ARHGEF26: variants seen among roughly 807,000 people sequenced by gnomAD.
ARHGEF26 encodes Rho guanine nucleotide exchange factor (GEF) 26.
In ARHGEF26, 59 loss-of-function variants were observed where a neutral mutation model predicts 89.4. The ratio of observed to expected loss-of-function variants is 0.66; its 90% CI spans 0.54 to 0.82. The LOEUF is 0.82. Ranked by LOEUF, ARHGEF26 falls within the 40% of genes least tolerant of loss-of-function variation. The probability of loss-of-function intolerance (pLI) is 0.00; values close to 1 mark genes in which losing one functional copy is unlikely to be tolerated. For missense variants in ARHGEF26, 1,234 were observed against 1,085.6 expected, an observed-to-expected ratio of 1.14 and a Z score of -1.92; for synonymous variants, 500 against 428.4, an observed-to-expected ratio of 1.17 and a Z score of -2.06.
In ARHGEF26 at chr3:154,186,134, T is replaced by TACAC. The variant is rs1446154271; in HGVS notation, c.1488-1550_1488-1549insCACA. ...ATGCTACCGTTTCTCTACACACACTTAGACACACACACACACACACACACA... is the reference window on the plus strand; with the variant it reads ...ATGCTACCGTTTCTCTACACACACTTACACAGACACACACACACACACACACACA... On this transcript the variant is annotated intron_variant, in intron 6 of 14. Transcript: ENST00000465093. Among the ~76,000 whole-genome samples, 27 of 26,918 alleles carry TACAC rather than the reference T, an allele frequency of 1.0e-3. 1 individual carries two copies. The highest frequency in any genetic ancestry group is 3.5e-3 in the African/African-American group (23 of 6,496). The allele number at this position is 26,918 out of a possible 152,430, so 17.7% of individuals were successfully genotyped here.
intron 4 of ARHGEF26, among the ~76,000 whole-genome samples, chr3:154,147,500 G>A (rs2108087221): frequency 6.6e-6 from 1 of 152,250 alleles, no homozygotes; most frequent in South Asian, 2.1e-4. Flanking sequence ...TTTAGAAACT[G>A]GTATATTATA....
chr3:154,241,087 C>T (rs187357), intron 12 of ARHGEF26, among the ~76,000 whole-genome samples: 1 of 152,104 alleles, frequency 6.6e-6, no homozygotes. Context: ...AGTTTATGCA[C>T]GACCAAAACA....
At chr3:154,132,570 C>A (rs1278786298) in intron 4 of ARHGEF26, among the ~76,000 whole-genome samples, 3 of 152,102 alleles carry the variant, frequency 2.0e-5, no homozygotes, top group African/African-American at 7.2e-5. Context: ...CGAGCGGAGG[C>A]TTCGTGCATC....
In ARHGEF26 at chr3:154,122,549, G is replaced by T. The variant is rs755539161; in HGVS notation, c.557G>T (p.Gly186Val). The part of the protein sequence containing the change: ...NGLAANNDSP[G>V]SGSQSGRKAK... The stretch of plus-strand genomic sequence containing the variant: ...CTTGCCGCTAATAACGACTCTCCTG[G>T]GTCAGGTTCGCAGTCCGGCCGGAAG... The change falls in exon 2 of 15, where the codon GGG (glycine) becomes GTG (valine). Residue 186 changes from glycine (G) to valine (V), a missense_variant. Gly to Val is a moderately radical substitution (Grantham distance 109). Coordinates refer to ENST00000465093, the MANE Select transcript of ARHGEF26 (RefSeq NM_015595.4). The T allele has an allele frequency of 6.2e-7, 1 of 1,613,564 alleles. No individual in the cohort carries two copies. Among genetic ancestry groups the T allele is most frequent in the South Asian group, 1.1e-5 (1 of 91,088 alleles).
intron 12 of ARHGEF26, among the ~76,000 whole-genome samples, chr3:154,242,367 A>G (rs1004334130): frequency 6.6e-6 from 1 of 152,190 alleles, no homozygotes; most frequent in Non-Finnish European, 1.5e-5. Context: ...GTTGATTCCA[A>G]CTCTCATGGA....
At position 154,249,224 on chromosome 3, in the gene ARHGEF26, T is replaced by A. The variant is rs16823820; in HGVS notation, c.2301-3892T>A. Among the ~76,000 whole-genome samples, 861 of 152,330 alleles carry A rather than the reference T, an allele frequency of 5.7e-3. 9 individuals are homozygous for A. Among genetic ancestry groups the A allele is most frequent in the African/African-American group, 0.02 (837 of 41,584 alleles). ...GCAGCCTCACCTGCAGCCCTGTCTC[T>A]GTGATTTCAAAGCCTACTTCCTACT... On this transcript the variant is annotated intron_variant, in intron 12 of 14. Transcript: ENST00000465093.
chr3:154,123,359 T>C (rs1288414488), intron 2 of ARHGEF26, among the ~76,000 whole-genome samples: 1 of 152,142 alleles, frequency 6.6e-6, no homozygotes, highest in East Asian at 1.9e-4. Context: ...GATTATTGGC[T>C]GAGTGAGTCT....
chr3:154,144,126 G>C (rs904115599), intron 4 of ARHGEF26, among the ~76,000 whole-genome samples: 8 of 152,142 alleles, frequency 5.3e-5, no homozygotes, highest in Admixed American at 1.3e-4. Flanking sequence ...TTGTTTCTGG[G>C]GCATTCAGGG....
chr3:154,150,779 A>G (rs1719974937), intron 5 of ARHGEF26, among the ~76,000 whole-genome samples: 1 of 152,170 alleles, frequency 6.6e-6, no homozygotes, highest in Admixed American at 6.6e-5. Context: ...TAAACCTTAT[A>G]TAACCTTGCC....
chr3:154,121,957 TG>T lies in ARHGEF26; in HGVS notation c.-35del. The stretch of plus-strand genomic sequence containing the variant: ...TCCTCTTTAGGCAAGACTAACTCGG[TG>T]TTGCTCCTCCCGGCGCTGACTTCGA... On this transcript the variant is annotated 5_prime_UTR_variant, in exon 2 of 15. Transcript: ENST00000465093. 6.4e-7 allele frequency: 1 copy of T among 1,557,348 alleles called. No homozygotes were observed. The highest frequency in any genetic ancestry group is 8.7e-7 in the Non-Finnish European group (1 of 1,147,182).
intron 9 of ARHGEF26, among the ~76,000 whole-genome samples, chr3:154,212,168 T>C (rs1715410731): frequency 6.6e-6 from 1 of 151,996 alleles, no homozygotes. Context: ...GTGAGACCTC[T>C]TCTCCACAGT....
chr3:154,146,766 T>C (rs1057193435), intron 4 of ARHGEF26, among the ~76,000 whole-genome samples: 1 of 152,190 alleles, frequency 6.6e-6, no homozygotes, highest in Non-Finnish European at 1.5e-5. Context: ...TATTGTTCAT[T>C]TTCTTGTTTT....
At chr3:154,133,379 A>G (rs1456552422) in intron 4 of ARHGEF26, among the ~76,000 whole-genome samples, 2 of 152,142 alleles carry the variant, frequency 1.3e-5, no homozygotes, top group Admixed American at 1.3e-4. Flanking sequence ...GGGCCTCAGT[A>G]GAATAATAAA....
At chr3:154,143,767 G>T (rs375708976) in intron 4 of ARHGEF26, among the ~76,000 whole-genome samples, 1 of 151,960 alleles carries the variant, frequency 6.6e-6, no homozygotes, top group Non-Finnish European at 1.5e-5. Context: ...GTTAGTCTTC[G>T]GTTAAATTAT....
At chr3:154,183,320 G>A (rs771922557) in intron 6 of ARHGEF26, among the ~76,000 whole-genome samples, 27 of 152,290 alleles carry the variant, frequency 1.8e-4, no homozygotes, top group Non-Finnish European at 3.4e-4. Context: ...TAAAGGTTGT[G>A]TAACATGATT....
intron 4 of ARHGEF26, among the ~76,000 whole-genome samples, chr3:154,139,303 C>G (rs1190735398): frequency 6.6e-6 from 1 of 152,148 alleles, no homozygotes; most frequent in East Asian, 1.9e-4. Flanking sequence ...CTTACCTGCA[C>G]TCATGTGGTG....
chr3:154,225,779 C>T lies in ARHGEF26; in HGVS notation c.1936-77C>T, dbSNP rs1009783291. 1.4e-5 allele frequency: 20 copies of T among 1,452,878 alleles called. No individual in the cohort carries two copies. The South Asian group carries it at 1.5e-4, about 11-fold the overall frequency. The allele number at this position is 1,452,878 out of a possible 1,614,324, so 90.0% of individuals were successfully genotyped here. On this transcript the variant is annotated intron_variant, in intron 10 of 14. Transcript: ENST00000465093. ...GATAAGTATCATTTGTTTGAATGTA[C>T]GTTTTAGCTTTTACTTTCAGTAAAC...
intron 9 of ARHGEF26, among the ~76,000 whole-genome samples, chr3:154,205,126 A>T (rs558167511): frequency 6.6e-6 from 1 of 152,058 alleles, no homozygotes; most frequent in African/African-American, 2.4e-5. Flanking sequence ...CTATTATGGT[A>T]CTATGGTGTA....
intron 8 of ARHGEF26, among the ~76,000 whole-genome samples, chr3:154,192,083 G>T (rs1713990227): frequency 6.6e-6 from 1 of 152,206 alleles, no homozygotes; most frequent in South Asian, 2.1e-4. Context: ...CCTGCCACTG[G>T]CTGCACTGGA....
Sources: gnomAD v4.1 joint callset for allele counts (sites outside exome capture counted in the v4.1 genomes callset) on GRCh38, gnomAD v4.1.1 for gene constraint, MANE v1.5 for transcripts, NCBI Gene and HGNC (gene_info 2026-07-23, HGNC 2026-07-21) for gene names.